CCL25: variants seen among roughly 807,000 people sequenced by gnomAD.
The protein encoded by CCL25 is C-C motif chemokine 25.
A neutral mutation model predicts 19.9 loss-of-function variants in CCL25; 14 were observed. The observed-to-expected ratio is 0.70, with a 90% confidence interval of 0.47 to 1.10. CCL25 has a LOEUF of 1.10. Ranked by LOEUF, CCL25 falls within the 50% of genes least tolerant of loss-of-function variation. The pLI is 0.00. For missense variants in CCL25, 151 were observed against 181.2 expected, an observed-to-expected ratio of 0.83 and a Z score of 0.96; for synonymous variants, 68 against 73.2, an observed-to-expected ratio of 0.93 and a Z score of 0.36.
rs751345295 is a variant in CCL25, at chr19:8,057,805, CCCTCA to C, written c.331_335del (p.Pro111CysfsTer18). The C allele has an allele frequency of 6.2e-7, 1 of 1,612,212 alleles. No homozygotes were observed. On this transcript the variant is annotated frameshift_variant, in exon 5 of 6. Coordinates refer to ENST00000315626, the MANE Select transcript of CCL25 (RefSeq NM_005624.4). LOFTEE classifies it high-confidence loss of function. ...TTTCTCTCTCCATTTCTCCAGCAGG[CCCTCA>C]TGCTGTAAAGAAGTTGAGTTCTGGA...
intron 4 of CCL25, 52 bp from the exon 5 acceptor site, chr19:8,057,749 G>A: frequency 1.3e-6 from 2 of 1,557,632 alleles, no homozygotes; most frequent in Middle Eastern, 1.7e-4. Flanking sequence ...GGATCCAGGA[G>A]CTCAAAGGAT....
intron 2 of CCL25, among the ~76,000 whole-genome samples, chr19:8,055,136 A>C (rs1180124671): frequency 6.7e-6 from 1 of 149,026 alleles, no homozygotes; most frequent in Non-Finnish European, 1.5e-5. Context: ...TAAAAATACA[A>C]AAATTAGCTG....
intron 5 of CCL25, among the ~76,000 whole-genome samples, chr19:8,060,825 C>T (rs1166686869): frequency 9.9e-5 from 15 of 151,562 alleles, no homozygotes; most frequent in Admixed American, 2.6e-4. Flanking sequence ...GGACTACAGG[C>T]GCCCGCCACC....
Position 8,056,399 on chromosome 19 carries a change from T to C in CCL25, c.225T>C (p.Cys75=). 1 of 1,613,904 alleles carries C rather than the reference T, an allele frequency of 6.2e-7. No individual in the cohort carries two copies. Among genetic ancestry groups the C allele is most frequent in the Non-Finnish European group, 8.5e-7 (1 of 1,179,944 alleles). ...FYLPKRHRKV[C]GNPKSREVQR... ...TCCCCAAGAGACACAGGAAGGTGTGTGGGAACCCCAAAAGCAGGGAGGTGC... is the reference window on the plus strand; with the variant it reads ...TCCCCAAGAGACACAGGAAGGTGTGCGGGAACCCCAAAAGCAGGGAGGTGC... The change falls in exon 4 of 6, where the codon TGT becomes TGC. Residue 75 remains cysteine, a synonymous_variant. Transcript: ENST00000315626.
At chr19:8,054,327 A>T (rs1383134293) in intron 2 of CCL25, among the ~76,000 whole-genome samples, 1 of 152,242 alleles carries the variant, frequency 6.6e-6, no homozygotes, top group East Asian at 1.9e-4. Context: ...GGCCCAGCCC[A>T]GCCCTTCGAT....
intron 4 of CCL25, among the ~76,000 whole-genome samples, chr19:8,057,288 G>A (rs931708820): frequency 6.6e-6 from 1 of 151,664 alleles, no homozygotes; most frequent in Admixed American, 6.6e-5. Context: ...CCAAAGCACT[G>A]GGATTATAGG....
intron 5 of CCL25, among the ~76,000 whole-genome samples, chr19:8,060,447 G>A (rs1352388509): frequency 3.9e-5 from 6 of 152,144 alleles, no homozygotes; most frequent in Admixed American, 3.9e-4. Context: ...AGAAGCTTCT[G>A]TTCCCGTGGA....
Position 8,062,592 on chromosome 19 carries a change from C to A in CCL25, c.*367C>A, listed in dbSNP as rs1357058574. On this transcript the variant is annotated 3_prime_UTR_variant, in exon 6 of 6. Transcript: ENST00000315626. The stretch of plus-strand genomic sequence containing the variant: ...AAAACTCTGGTCAGTTCAAGGATGC[C>A]CCTCCCAGGCTATGCTTTTCTATAA... 2 of 248,460 alleles carry A rather than the reference C, an allele frequency of 8.0e-6. No individual in the cohort carries two copies. Among genetic ancestry groups the A allele is most frequent in the Non-Finnish European group, 1.5e-5 (2 of 130,758 alleles). The allele number at this position is 248,460 out of a possible 1,614,324, so 15.4% of individuals were successfully genotyped here.
At chr19:8,055,109 T>C (rs1468666955) in intron 2 of CCL25, among the ~76,000 whole-genome samples, 1 of 150,370 alleles carries the variant, frequency 6.7e-6, no homozygotes, top group Non-Finnish European at 1.5e-5. Flanking sequence ...GCCAACATGG[T>C]GAAACCCCGT....
At chr19:8,054,513 G>A (rs1224930631) in intron 2 of CCL25, among the ~76,000 whole-genome samples, 1 of 152,176 alleles carries the variant, frequency 6.6e-6, no homozygotes, top group Non-Finnish European at 1.5e-5. Context: ...GGCCTCTGGA[G>A]GTTAGTTCTG....
At chr19:8,059,750 C>T (rs578171393) in intron 5 of CCL25, among the ~76,000 whole-genome samples, 89 of 152,168 alleles carry the variant, frequency 5.8e-4, no homozygotes, top group Non-Finnish European at 4.9e-4. Flanking sequence ...TGGTGGCTCA[C>T]GCCTGTAATC....
At position 8,056,246 on chromosome 19, in the gene CCL25, G is replaced by A. The variant is rs748877843; in HGVS notation, c.168G>A (p.Gly56=). 1.3e-6 allele frequency: 2 copies of A among 1,588,992 alleles called. No homozygotes were observed. Among genetic ancestry groups the A allele is most frequent in the African/African-American group, 1.4e-5 (1 of 73,862 alleles). ...CTTACCGGATCCAGGAGGTGAGCGG[G>A]AGCTGCAATCTGCCTGCTGCGATGT... The part of the protein sequence containing the change: ...AWTYRIQEVS[G]SCNLPAAIFY... The change falls in exon 3 of 6, where the codon GGG becomes GGA. Residue 56 remains glycine (G), a synonymous_variant. Coordinates refer to ENST00000315626, the MANE Select transcript of CCL25 (RefSeq NM_005624.4).
chr19:8,054,313 G>T (rs2081253344), intron 2 of CCL25, among the ~76,000 whole-genome samples: 1 of 152,244 alleles, frequency 6.6e-6, no homozygotes, highest in Non-Finnish European at 1.5e-5. Flanking sequence ...TGCTATCAGA[G>T]CCAGGCCCAG....
In CCL25 at chr19:8,062,046, C is replaced by CAA. The variant is rs34907151; in HGVS notation, c.446-151_446-150dup. On this transcript the variant is annotated intron_variant, in intron 5 of 5. Coordinates refer to ENST00000315626, the MANE Select transcript of CCL25 (RefSeq NM_005624.4). ...GTCTGGCGACAGAGCGAGACTGTCT[C>CAA]AAAAAAAAAAAAAAAAAAAAAAGTT... Among the ~76,000 whole-genome samples the CAA allele has an allele frequency of 5.1e-3, 304 of 60,098 alleles. 7 individuals are homozygous for CAA. The highest frequency in any genetic ancestry group is 0.013 in the African/African-American group (186 of 14,404). The allele number at this position is 60,098 out of a possible 152,430, so 39.4% of individuals were successfully genotyped here. A position where few individuals can be genotyped will look rare whatever the true frequency, so the allele number is the denominator to read the frequency against.
chr19:8,054,148 G>A (rs1481742699), intron 2 of CCL25, among the ~76,000 whole-genome samples: 3 of 152,186 alleles, frequency 2.0e-5, no homozygotes, highest in African/African-American at 7.2e-5. Flanking sequence ...TCAGCAGCTG[G>A]CCAAAGCAGG....
Position 8,062,484 on chromosome 19 carries a change from G to C in CCL25, c.*259G>C. 1 of 536,016 alleles carries C rather than the reference G, an allele frequency of 1.9e-6. No homozygotes were observed. Among genetic ancestry groups the C allele is most frequent in the South Asian group, 2.3e-5 (1 of 43,188 alleles). The allele number at this position is 536,016 out of a possible 1,614,324, so 33.2% of individuals were successfully genotyped here. On this transcript the variant is annotated 3_prime_UTR_variant, in exon 6 of 6. Transcript: ENST00000315626. ...TCCTGGGCAGCCAGTGGCTCTTGTA[G>C]AGAAGACTTAGGATACCTCTCTCAC...
Position 8,062,184 on chromosome 19 carries a change from A to C in CCL25, c.446-34A>C, listed in dbSNP as rs367894403. The C allele has an allele frequency of 6.2e-6, 10 of 1,611,560 alleles. 1 individual carries two copies. In the East Asian group the frequency reaches 2.0e-4, roughly 32 times the overall value. ...TAGTTACTATTATTTTACAGCCGTC[A>C]ATTTTACTTCGGCCTCTCTCATTGC... is the stretch of plus-strand genomic sequence containing the variant. On this transcript the variant is annotated intron_variant, in intron 5 of 5. Transcript: ENST00000315626.
rs541713128 is a variant in CCL25 at position 8,058,198 on chromosome 19, C to T, written c.445+278C>T. ...AAGCCAGCAATTCTCCAGCAGGGAC[C>T]GGGTGGTTGTCCTGTAATTCTACTG... On this transcript the variant is annotated intron_variant, in intron 5 of 5. Coordinates refer to ENST00000315626, the MANE Select transcript of CCL25 (RefSeq NM_005624.4). 1.1e-4 allele frequency among the ~76,000 whole-genome samples: 16 copies of T among 150,588 alleles called. No individual in the cohort carries two copies. The South Asian group carries it at 3.1e-3, about 29-fold the overall frequency.
At position 8,059,651 on chromosome 19, in the gene CCL25, A is replaced by G. The variant is rs918614235; in HGVS notation, c.445+1731A>G. Reference sequence around the variant, plus strand: ...AGTCAGGGCTTCCACCTCTGGTTGGATCATTCGATAGAACAGCTCACAGGA... The same window carrying G: ...AGTCAGGGCTTCCACCTCTGGTTGGGTCATTCGATAGAACAGCTCACAGGA... On this transcript the variant is annotated intron_variant, in intron 5 of 5. Transcript: ENST00000315626. 1.5e-4 allele frequency among the ~76,000 whole-genome samples: 23 copies of G among 152,126 alleles called. 1 individual carries two copies.
Sources: allele counts gnomAD v4.1 joint callset (sites outside exome capture counted in the v4.1 genomes callset), GRCh38; gene constraint gnomAD v4.1.1; transcripts MANE v1.5; gene names NCBI Gene and HGNC (gene_info 2026-07-23, HGNC 2026-07-21).